The following POU6F2 variants were observed in gnomAD, a reference collection of about 807,000 sequenced individuals.
POU6F2 encodes the protein POU class 6 homeobox 2.
POU6F2 carries 31 observed loss-of-function variants against 71.3 expected under a neutral mutation model. The ratio of observed to expected loss-of-function variants is 0.43; its 90% CI spans 0.33 to 0.59. The LOEUF (loss-of-function observed/expected upper bound fraction) is 0.59. Among genes scored for constraint, POU6F2 ranks in the 20% least tolerant of loss-of-function variants. The pLI is 0.04. For synonymous variants in POU6F2, 347 were observed against 355.7 expected, an observed-to-expected ratio of 0.98 and a Z score of 0.27; for missense variants, 783 against 856.8, an observed-to-expected ratio of 0.91 and a Z score of 1.07.
chr7:39,085,170 T>C (rs1481783016), intron 1 of POU6F2: 2 of 152,304 alleles, frequency 1.3e-5, no homozygotes, highest in African/African-American at 2.4e-5. Context: ...TTTAAATCAA[T>C]TTTCGTGTAT....
intron 1 of POU6F2, among the ~76,000 whole-genome samples, chr7:38,991,850 C>T (rs1268376885): frequency 6.7e-6 from 1 of 150,072 alleles, no homozygotes; most frequent in Non-Finnish European, 1.5e-5. Flanking sequence ...CTCTCTCTCT[C>T]TCTCTCTCCC....
At chr7:39,250,360 C>T (rs1783892757) in intron 4 of POU6F2, among the ~76,000 whole-genome samples, 1 of 152,112 alleles carries the variant, frequency 6.6e-6, no homozygotes, top group Admixed American at 6.5e-5. Context: ...TCTTTTGTGT[C>T]GCTGGCCCTA....
chr7:39,333,869 C>T (rs17686527), intron 4 of POU6F2, among the ~76,000 whole-genome samples: 28,384 of 152,090 alleles, frequency 0.19, 2,827 homozygotes, highest in Admixed American at 0.25. Context: ...CTGCTAGGAG[C>T]CCCAAGGGTA....
At chr7:39,421,307 T>G (rs1787845242) in intron 6 of POU6F2, among the ~76,000 whole-genome samples, 1 of 152,194 alleles carries the variant, frequency 6.6e-6, no homozygotes, top group Non-Finnish European at 1.5e-5. Context: ...TTTTTCTGAT[T>G]GAATAGATAG....
chr7:39,353,621 C>A (rs545644103), intron 5 of POU6F2, among the ~76,000 whole-genome samples: 5 of 152,302 alleles, frequency 3.3e-5, no homozygotes, highest in Non-Finnish European at 4.4e-5. Context: ...TTGTCTAGGG[C>A]TTTTCTTCCT....
At chr7:39,320,266 C>G (rs950207718) in intron 4 of POU6F2, among the ~76,000 whole-genome samples, 1 of 152,146 alleles carries the variant, frequency 6.6e-6, no homozygotes, top group African/African-American at 2.4e-5. Flanking sequence ...GAAGACCTAC[C>G]TCTCCCCATC....
At position 39,468,215 on chromosome 7, in the gene POU6F2, G is replaced by A. The variant is rs184643547; in HGVS notation, c.*3529G>A. The A allele has an allele frequency of 1.4e-4, 20 of 137,938 alleles. No individual in the cohort carries two copies. The East Asian group carries it at 4.0e-3, about 28-fold the overall frequency. The allele number at this position is 137,938 out of a possible 1,614,324, so 8.5% of individuals were successfully genotyped here. On this transcript the variant is annotated 3_prime_UTR_variant, in exon 10 of 10. Transcript: ENST00000518318. Reference sequence around the variant, plus strand: ...TGATTTTTTTTTTTTTTTGTCCTATGTGCTGTGATCTAGACTGGTCACCGG... The same window carrying A: ...TGATTTTTTTTTTTTTTTGTCCTATATGCTGTGATCTAGACTGGTCACCGG...
chr7:39,099,182 CTCTAAATTTAAAA>C (rs1198993426), intron 2 of POU6F2, among the ~76,000 whole-genome samples: 1 of 152,216 alleles, frequency 6.6e-6, no homozygotes, highest in Non-Finnish European at 1.5e-5. Context: ...TCTCACTCTT[CTCTAAATTTAAAA>C]TGTTGGAAGG....
chr7:39,239,261 T>A (rs1385670119), intron 4 of POU6F2, among the ~76,000 whole-genome samples: 10 of 152,132 alleles, frequency 6.6e-5, no homozygotes. Context: ...TCATAGTGCC[T>A]CAGTTTCCTC....
chr7:39,099,399 G>A (rs1213913365), intron 2 of POU6F2, among the ~76,000 whole-genome samples: 1 of 152,178 alleles, frequency 6.6e-6, no homozygotes, highest in Non-Finnish European at 1.5e-5. Flanking sequence ...AAGGGAATTT[G>A]CCAGCTCCAG....
chr7:39,457,508 C>T (rs796302162), intron 8 of POU6F2, among the ~76,000 whole-genome samples: 105 of 152,248 alleles, frequency 6.9e-4, no homozygotes, highest in African/African-American at 2.4e-3. Context: ...CAGTCCTATA[C>T]AGGTGAGAGA....
chr7:39,259,998 ACACCACAC>A (rs551815075), intron 4 of POU6F2, among the ~76,000 whole-genome samples: 106 of 1,866 alleles, frequency 0.057, no homozygotes, highest in African/African-American at 0.098. Flanking sequence ...CCACAAGCAC[ACACCACAC>A]CACACCATAC....
At position 39,207,472 on chromosome 7, in the gene POU6F2, C is replaced by T. The variant is rs750217899; in HGVS notation, c.450C>T (p.Ile150=). ...PGGPPALNQP[I]LIPFNMAGQL... ...GCCCCCCAGCCCTCAACCAGCCAAT[C>T]CTCATTCCCTTCAACATGGCGGGAC... Residue 150 remains isoleucine (I), a synonymous_variant, in exon 4 of 10, where the codon ATC becomes ATT. Transcript: ENST00000518318. 4 of 1,613,902 alleles carry T rather than the reference C, an allele frequency of 2.5e-6. No individual in the cohort carries two copies. Among genetic ancestry groups the T allele is most frequent in the Non-Finnish European group, 3.4e-6 (4 of 1,179,884 alleles).
intron 2 of POU6F2, among the ~76,000 whole-genome samples, chr7:39,150,223 G>GTC (rs1792726209): frequency 8.6e-6 from 1 of 116,940 alleles, no homozygotes; most frequent in Non-Finnish European, 1.8e-5. Flanking sequence ...TGAGTAATAT[G>GTC]TCTGTGTGTG....
chr7:38,979,561 T>C (rs1354491742), intron 1 of POU6F2, among the ~76,000 whole-genome samples: 1 of 152,218 alleles, frequency 6.6e-6, no homozygotes, highest in African/African-American at 2.4e-5. Context: ...GGAGAAAATA[T>C]ATAAACTGAT....
At chr7:39,191,094 C>T (rs1793653904) in intron 2 of POU6F2, among the ~76,000 whole-genome samples, 1 of 152,152 alleles carries the variant, frequency 6.6e-6, no homozygotes. Flanking sequence ...ATATAAAGCC[C>T]ATTGACTAAT....
chr7:39,276,596 T>C (rs1281514282), intron 4 of POU6F2, among the ~76,000 whole-genome samples: 1 of 151,466 alleles, frequency 6.6e-6, no homozygotes, highest in Non-Finnish European at 1.5e-5. Flanking sequence ...TAAAGACACA[T>C]GCACACGTAT....
chr7:39,015,202 G>T (rs1297748232), intron 1 of POU6F2, among the ~76,000 whole-genome samples: 3 of 147,602 alleles, frequency 2.0e-5, no homozygotes, highest in Middle Eastern at 3.8e-3. Context: ...TTAATGGTAT[G>T]TGTAGGTCTG....
chr7:39,419,017 A>G (rs143804016), intron 6 of POU6F2, among the ~76,000 whole-genome samples: 14,172 of 131,002 alleles, frequency 0.11, 817 homozygotes, highest in South Asian at 0.28. Flanking sequence ...GTATATATGT[A>G]TATATATGTG....
Sources: allele counts gnomAD v4.1 joint callset (sites outside exome capture counted in the v4.1 genomes callset), GRCh38; gene constraint gnomAD v4.1.1; transcripts MANE v1.5; gene names NCBI Gene and HGNC (gene_info 2026-07-23, HGNC 2026-07-21).